Variants in ERBB4 observed in about 807,000 individuals in gnomAD.
The protein encoded by ERBB4 is erb-b2 receptor tyrosine kinase 4.
A neutral mutation model predicts 158.0 loss-of-function variants in ERBB4; 42 were observed. The observed-to-expected ratio is 0.27, with a 90% CI of 0.21 to 0.34. The LOEUF is 0.34. Ranked by LOEUF, ERBB4 falls within the 10% of genes least tolerant of loss-of-function variation. The pLI is 1.00. For missense variants in ERBB4, 1,333 were observed against 1,624.1 expected, an observed-to-expected ratio of 0.82 and a Z score of 3.08; for synonymous variants, 583 against 558.7, an observed-to-expected ratio of 1.04 and a Z score of -0.61.
chr2:212,134,873 G>A (rs1015043202), intron 1 of ERBB4, among the ~76,000 whole-genome samples: 1 of 151,716 alleles, frequency 6.6e-6, no homozygotes, highest in Non-Finnish European at 1.5e-5. Context: ...TTTTAGTAGG[G>A]ATGGGGGTTT....
chr2:212,192,036 TGTTATA>T (rs1232091174), intron 1 of ERBB4, among the ~76,000 whole-genome samples: 1 of 5,972 alleles, frequency 1.7e-4, no homozygotes, highest in African/African-American at 4.4e-4. Context: ...ATATGTTATA[TGTTATA>T]TATATGTTAT....
At chr2:211,897,032 T>A (rs1257483549) in intron 3 of ERBB4, among the ~76,000 whole-genome samples, 2 of 150,496 alleles carry the variant, frequency 1.3e-5, no homozygotes, top group African/African-American at 4.9e-5. Context: ...ACATGCCCTG[T>A]AATTATTATT....
chr2:211,964,530 G>T (rs1441826413), intron 2 of ERBB4, among the ~76,000 whole-genome samples: 2 of 152,140 alleles, frequency 1.3e-5, no homozygotes, highest in Non-Finnish European at 2.9e-5. Flanking sequence ...TAACACTCTT[G>T]AATTTCACTA....
chr2:211,714,818 T>C (rs780768817), intron 7 of ERBB4, among the ~76,000 whole-genome samples: 4 of 152,168 alleles, frequency 2.6e-5, no homozygotes, highest in Non-Finnish European at 5.9e-5. Context: ...AAAATTAAAG[T>C]AGGACATGTG....
intron 20 of ERBB4, among the ~76,000 whole-genome samples, chr2:211,486,264 C>CA (rs1160422073): frequency 3.3e-5 from 5 of 151,930 alleles, no homozygotes; most frequent in Admixed American, 1.3e-4. Context: ...TTCCCAGGTG[C>CA]AAAAAAGACA....
chr2:212,298,309 T>C (rs977955068), intron 1 of ERBB4, among the ~76,000 whole-genome samples: 3 of 151,778 alleles, frequency 2.0e-5, no homozygotes, highest in African/African-American at 4.8e-5. Flanking sequence ...ATAAATACAA[T>C]CACAGATTTG....
chr2:211,699,433 T>C (rs948842019), intron 12 of ERBB4, among the ~76,000 whole-genome samples: 1 of 152,144 alleles, frequency 6.6e-6, no homozygotes, highest in Non-Finnish European at 1.5e-5. Flanking sequence ...GTACTGGGGA[T>C]TGTAAACATC....
intron 1 of ERBB4, among the ~76,000 whole-genome samples, chr2:212,467,031 A>G (rs1688872690): frequency 6.6e-6 from 1 of 152,174 alleles, no homozygotes; most frequent in Admixed American, 6.5e-5. Flanking sequence ...AGATTTGTGG[A>G]ACTTTGAACT....
chr2:212,385,646 T>G (rs1468681977), intron 1 of ERBB4, among the ~76,000 whole-genome samples: 1 of 151,872 alleles, frequency 6.6e-6, no homozygotes, highest in Non-Finnish European at 1.5e-5. Context: ...GTTAATAGTA[T>G]AGATGCCAAT....
Position 211,733,711 on chromosome 2 carries a change from T to G in ERBB4, c.623-8517A>C, listed in dbSNP as rs556790277. ...AAAAATTTACTTTCTTTCTTTTGCT[T>G]ATTCTAGTTCCCTATCCAAAATATT... On this transcript the variant is annotated intron_variant, in intron 5 of 27. Coordinates refer to ENST00000342788, the MANE Select transcript of ERBB4 (RefSeq NM_005235.3). Among the ~76,000 whole-genome samples the G allele has an allele frequency of 1.1e-3, 168 of 151,620 alleles. 9 individuals carry two copies. Among genetic ancestry groups the G allele is most frequent in the African/African-American group, 4.0e-3 (163 of 40,946 alleles).
chr2:211,409,303 T>C (rs891083430), intron 25 of ERBB4, among the ~76,000 whole-genome samples: 17 of 152,112 alleles, frequency 1.1e-4, no homozygotes, highest in Non-Finnish European at 5.9e-5. Flanking sequence ...AAAATGGCCA[T>C]AATAATGCTT....
chr2:211,587,151 A>G (rs1223781108), intron 19 of ERBB4, among the ~76,000 whole-genome samples: 1 of 151,254 alleles, frequency 6.6e-6, no homozygotes, highest in Non-Finnish European at 1.5e-5. Context: ...CAGGAGTTCA[A>G]GACCAGCCTG....
chr2:211,388,114 C>A, intron 25 of ERBB4, 122 bp from the exon 26 acceptor site: 1 of 766,654 alleles, frequency 1.3e-6, no homozygotes, highest in Non-Finnish European at 2.3e-6. Context: ...AAAAAGTGCA[C>A]AACAGTGAAG....
At chr2:211,881,703 A>G (rs947818504) in intron 3 of ERBB4, among the ~76,000 whole-genome samples, 9 of 152,094 alleles carry the variant, frequency 5.9e-5, no homozygotes, top group Non-Finnish European at 1.0e-4. Flanking sequence ...TAGCTCATCT[A>G]TAAAACCTCT....
chr2:211,935,495 G>T lies in ERBB4; in HGVS notation c.421+11935C>A, dbSNP rs1330167759. Among the ~76,000 whole-genome samples, 4 of 152,114 alleles carry T rather than the reference G, an allele frequency of 2.6e-5. No homozygotes were observed. The East Asian group carries it at 7.7e-4, about 29-fold the overall frequency. Reference sequence around the variant, plus strand: ...GCGGGACACCAATTTCAGGCTCCCTGGTCTTTGGACTGCAGGACTTAGAAC... The same window carrying T: ...GCGGGACACCAATTTCAGGCTCCCTTGTCTTTGGACTGCAGGACTTAGAAC... On this transcript the variant is annotated intron_variant, in intron 3 of 27. Transcript: ENST00000342788.
chr2:212,135,749 T>C (rs769780876), intron 1 of ERBB4, among the ~76,000 whole-genome samples: 1 of 152,224 alleles, frequency 6.6e-6, no homozygotes, highest in African/African-American at 2.4e-5. Context: ...CCTTCTTATT[T>C]ACTTTGTAGT....
chr2:211,769,266 T>G (rs781516021), intron 4 of ERBB4, among the ~76,000 whole-genome samples: 44 of 152,304 alleles, frequency 2.9e-4, no homozygotes, highest in South Asian at 1.0e-3. Context: ...TCCATATCAC[T>G]ATCAGCATTT....
chr2:211,632,821 C>G (rs1014712430), intron 16 of ERBB4, among the ~76,000 whole-genome samples: 1 of 152,044 alleles, frequency 6.6e-6, no homozygotes, highest in Non-Finnish European at 1.5e-5. Context: ...TCAGTATTTT[C>G]TCACAGCAAT....
At chr2:212,020,680 A>T (rs2076629523) in intron 2 of ERBB4, among the ~76,000 whole-genome samples, 1 of 152,122 alleles carries the variant, frequency 6.6e-6, no homozygotes, top group African/African-American at 2.4e-5. Context: ...TATTCTTCTT[A>T]AATAATACCA....
Sources: gnomAD v4.1 joint callset for allele counts (sites outside exome capture counted in the v4.1 genomes callset) on GRCh38, gnomAD v4.1.1 for gene constraint, MANE v1.5 for transcripts, NCBI Gene and HGNC (gene_info 2026-07-23, HGNC 2026-07-21) for gene names.